COL28A1: variants seen among roughly 807,000 people sequenced by gnomAD.
COL28A1 encodes the protein collagen alpha-1(XXVIII) chain.
COL28A1 carries 161 observed loss-of-function variants against 150.2 expected under a neutral mutation model. The observed-to-expected ratio is 1.07, with a 90% CI of 0.94 to 1.22. The LOEUF is 1.22. COL28A1 is among the 50% of genes most tolerant of loss of function. The pLI is 0.00. For synonymous variants in COL28A1, 552 were observed against 469.7 expected, an observed-to-expected ratio of 1.18 and a Z score of -2.26; for missense variants, 1,617 against 1,388.3, an observed-to-expected ratio of 1.16 and a Z score of -2.62.
chr7:7,438,345 A>C (rs1785502780), intron 21 of COL28A1, among the ~76,000 whole-genome samples: 1 of 152,250 alleles, frequency 6.6e-6, no homozygotes, highest in Non-Finnish European at 1.5e-5. Flanking sequence ...TTAGAGTCTC[A>C]AAGACTCAAT....
chr7:7,444,550 C>T (rs961546948), intron 18 of COL28A1, 61 bp from the exon 19 acceptor site: 1 of 1,499,986 alleles, frequency 6.7e-7, no homozygotes, highest in African/African-American at 1.4e-5. Flanking sequence ...GAGGTACTTG[C>T]AATTGGATGT....
chr7:7,413,045 C>G (rs1783873446), intron 27 of COL28A1, among the ~76,000 whole-genome samples: 1 of 152,040 alleles, frequency 6.6e-6, no homozygotes, highest in African/African-American at 2.4e-5. Context: ...GTATTTCACT[C>G]TATTTATGGG....
At chr7:7,343,030 A>G in the COL28A1 span, among the ~76,000 whole-genome samples, 2 of 152,068 alleles carry the variant, frequency 1.3e-5, no homozygotes, top group South Asian at 2.1e-4. Flanking sequence ...AACATGAAAG[A>G]TACTCCTTCA....
At chr7:7,517,982 C>T (rs1781509076) in intron 6 of COL28A1, 145 bp from the exon 7 acceptor site, 2 of 659,164 alleles carry the variant, frequency 3.0e-6, no homozygotes, top group South Asian at 2.1e-5. Flanking sequence ...ACTATGCAAT[C>T]TAGGCAAAAA....
intron 11 of COL28A1, among the ~76,000 whole-genome samples, chr7:7,494,309 G>C (rs1780086040): frequency 6.6e-6 from 1 of 151,316 alleles, no homozygotes; most frequent in Non-Finnish European, 1.5e-5. Flanking sequence ...GTTCTGTCTT[G>C]GCCTCCCAAA....
the COL28A1 span, among the ~76,000 whole-genome samples, chr7:7,541,313 AT>A: frequency 1.8e-4 from 27 of 150,478 alleles, no homozygotes; most frequent in South Asian, 3.2e-3. Context: ...CTTGAGGTGA[AT>A]TTTTTTTTTC....
intron 27 of COL28A1, among the ~76,000 whole-genome samples, chr7:7,395,461 A>G (rs1035816314): frequency 6.6e-6 from 1 of 152,232 alleles, no homozygotes; most frequent in Non-Finnish European, 1.5e-5. Context: ...GCAAAACGAA[A>G]AATGGCTAAC....
At chr7:7,389,893 G>A (rs4724980) in intron 27 of COL28A1, among the ~76,000 whole-genome samples, 88,388 of 152,052 alleles carry the variant, frequency 0.58, 27,660 homozygotes, top group South Asian at 0.7. Flanking sequence ...AGGAGATTTT[G>A]GGCTGAGACA....
downstream of COL28A1, among the ~76,000 whole-genome samples, chr7:7,355,180 T>C (rs1014795104): frequency 6.6e-5 from 10 of 152,212 alleles, no homozygotes; most frequent in South Asian, 1.5e-3. Context: ...TTCAGATACA[T>C]AGGAATTCCA....
At chr7:7,407,183 T>C (rs775134296) in intron 27 of COL28A1, among the ~76,000 whole-genome samples, 9 of 151,904 alleles carry the variant, frequency 5.9e-5, no homozygotes, top group Non-Finnish European at 1.0e-4. Context: ...TATGTATAGA[T>C]TGTAGAGAGG....
rs1222015861 is a variant in COL28A1, at chr7:7,436,391, A to C, written c.1860+4T>G. 7.8e-7 allele frequency: 1 copy of C among 1,280,438 alleles called. No homozygotes were observed. Among genetic ancestry groups the C allele is most frequent in the Non-Finnish European group, 1.1e-6 (1 of 875,096 alleles). The allele number at this position is 1,280,438 out of a possible 1,614,324, so 79.3% of individuals were successfully genotyped here. A position where few individuals can be genotyped will look rare whatever the true frequency, so the allele number is the denominator to read the frequency against. On this transcript the variant is annotated splice_donor_region_variant and intron_variant, in intron 23 of 34. Transcript: ENST00000399429. The stretch of plus-strand genomic sequence containing the variant: ...AAAACAAAAAGAACATGAATAAAGC[A>C]TACCTTTGGTCCTCGAATAGAAAGT...
At chr7:7,422,933 G>A (rs1018804406) in intron 25 of COL28A1, among the ~76,000 whole-genome samples, 6 of 152,188 alleles carry the variant, frequency 3.9e-5, no homozygotes, top group African/African-American at 7.2e-5. Context: ...CAAGGGAGGA[G>A]TCTACTTTGA....
intron 11 of COL28A1, among the ~76,000 whole-genome samples, chr7:7,493,501 G>A (rs1780038589): frequency 6.6e-6 from 1 of 152,086 alleles, no homozygotes; most frequent in Admixed American, 6.6e-5. Flanking sequence ...GCAGTTGCAG[G>A]GATCTGAAGA....
At chr7:7,415,213 C>T (rs1401117096) in intron 27 of COL28A1, among the ~76,000 whole-genome samples, 1 of 152,194 alleles carries the variant, frequency 6.6e-6, no homozygotes, top group Non-Finnish European at 1.5e-5. Context: ...AGCTTTCCGT[C>T]AAAGGCTACT....
intron 15 of COL28A1, among the ~76,000 whole-genome samples, chr7:7,462,333 C>A (rs1787697221): frequency 6.6e-6 from 1 of 152,090 alleles, no homozygotes; most frequent in Non-Finnish European, 1.5e-5. Flanking sequence ...TTAACACCCC[C>A]AAAAAATTAC....
Position 7,432,716 on chromosome 7 carries a change from C to T in COL28A1, c.1861-16G>A. 1.2e-6 allele frequency: 2 copies of T among 1,606,088 alleles called. No homozygotes were observed. Among genetic ancestry groups the T allele is most frequent in the Middle Eastern group, 1.9e-4 (1 of 5,318 alleles). On this transcript the variant is annotated splice_polypyrimidine_tract_variant and intron_variant, in intron 23 of 34. Coordinates refer to ENST00000399429, the MANE Select transcript of COL28A1 (RefSeq NM_001037763.3). ...CTTGGACACCCTGGGTAAATTCCAA[C>T]ATCAGTGATATCATGAGACTCAACT...
intron 25 of COL28A1, among the ~76,000 whole-genome samples, chr7:7,422,132 G>A (rs958112815): frequency 6.6e-6 from 1 of 152,184 alleles, no homozygotes; most frequent in Non-Finnish European, 1.5e-5. Flanking sequence ...AAAAGGACAT[G>A]TCTTTTCTCT....
At chr7:7,477,615 C>T (rs915476658) in intron 13 of COL28A1, among the ~76,000 whole-genome samples, 9 of 152,184 alleles carry the variant, frequency 5.9e-5, no homozygotes, top group Admixed American at 5.9e-4. Context: ...TTCCCAGTTT[C>T]TTCTTTCTGG....
At chr7:7,543,230 A>T in the COL28A1 span, among the ~76,000 whole-genome samples, 2 of 152,354 alleles carry the variant, frequency 1.3e-5, no homozygotes, top group East Asian at 3.9e-4. Flanking sequence ...AGTTCCAACA[A>T]GAATGTTGGT....
Sources: allele counts gnomAD v4.1 joint callset (sites outside exome capture counted in the v4.1 genomes callset), GRCh38; gene constraint gnomAD v4.1.1; transcripts MANE v1.5; gene names NCBI Gene and HGNC (gene_info 2026-07-23, HGNC 2026-07-21).